Variants in CA13 observed in about 807,000 individuals in gnomAD.
CA13 encodes the protein carbonic anhydrase 13.
CA13 carries 21 observed loss-of-function variants against 31.5 expected under a neutral mutation model. That is an observed-to-expected ratio of 0.67 (90% confidence interval 0.47 to 0.96). The LOEUF (loss-of-function observed/expected upper bound fraction) is 0.96, where lower values mean the gene tolerates loss of function less well. CA13 is among the 40% of genes least tolerant of loss of function. The pLI is 0.00. For missense variants in CA13, 315 were observed against 318.9 expected (o/e 0.99, Z 0.09); for synonymous variants, 117 against 111.4 (o/e 1.05, Z -0.32).
At chr8:85,261,813 G>A (rs1016663654) in intron 3 of CA13, among the ~76,000 whole-genome samples, 6 of 151,966 alleles carry the variant, frequency 3.9e-5, no homozygotes, top group Non-Finnish European at 8.8e-5. Context: ...TAAAGATAAA[G>A]CTTTGTGGAT....
intron 2 of CA13, among the ~76,000 whole-genome samples, chr8:85,252,750 C>T (rs1315943030): frequency 6.6e-6 from 1 of 151,974 alleles, no homozygotes; most frequent in Non-Finnish European, 1.5e-5. Flanking sequence ...TGTATTTGCT[C>T]TATTAATGAA....
intron 2 of CA13, among the ~76,000 whole-genome samples, chr8:85,259,067 G>GTC (rs1224366106): frequency 6.6e-6 from 1 of 152,290 alleles, no homozygotes; most frequent in East Asian, 1.9e-4. Context: ...AACTGGACCT[G>GTC]TCTGCATGTC....
intron 6 of CA13, among the ~76,000 whole-genome samples, chr8:85,269,294 A>G (rs1029546385): frequency 6.6e-6 from 1 of 152,156 alleles, no homozygotes; most frequent in Admixed American, 6.5e-5. Context: ...TCTACAAAAA[A>G]TACAAAAAGT....
chr8:85,249,577 T>C (rs1387099982), intron 1 of CA13, among the ~76,000 whole-genome samples: 1 of 152,192 alleles, frequency 6.6e-6, no homozygotes, highest in Non-Finnish European at 1.5e-5. Flanking sequence ...TAAATATTAC[T>C]CTAAATTTTA....
Position 85,281,557 on chromosome 8 carries a change from G to C in CA13, c.*208G>C. ...TGATAGAGTCTCACTCTGTCACCCA[G>C]GCTGGAGGGCAGTGGTACAGTCTTG... On this transcript the variant is annotated 3_prime_UTR_variant, in exon 7 of 7. Coordinates refer to ENST00000321764, the MANE Select transcript of CA13 (RefSeq NM_198584.3). 8.3e-7 allele frequency: 1 copy of C among 1,198,912 alleles called. No homozygotes were observed. Among genetic ancestry groups the C allele is most frequent in the Non-Finnish European group, 1.1e-6 (1 of 942,792 alleles). The allele number at this position is 1,198,912 out of a possible 1,614,324, so 74.3% of individuals were successfully genotyped here.
In CA13 at chr8:85,259,476, C is replaced by G. The variant is rs749827472; in HGVS notation, c.291C>G (p.His97Gln). Residue 97 changes from histidine to glutamine, a missense_variant, in exon 3 of 7, where the codon CAC (histidine) becomes CAG (glutamine). Transcript: ENST00000321764. ...GSYRLRQVHLHWGSADDHGSE... is the reference protein window; with the variant it reads ...GSYRLRQVHLQWGSADDHGSE... ...ACAGGTTACGGCAGGTTCACCTTCA[C>G]TGGGGGTCCGCTGATGACCACGGCT... 10 of 1,613,978 alleles carry G rather than the reference C, an allele frequency of 6.2e-6. No homozygotes were observed. Among genetic ancestry groups the G allele is most frequent in the Non-Finnish European group, 8.5e-6 (10 of 1,180,000 alleles).
At chr8:85,277,196 C>T (rs1424141737) in intron 6 of CA13, among the ~76,000 whole-genome samples, 1 of 152,156 alleles carries the variant, frequency 6.6e-6, no homozygotes, top group Non-Finnish European at 1.5e-5. Context: ...TCCCTCTTTG[C>T]AATAAATCTT....
Position 85,268,480 on chromosome 8 carries a change from A to G in CA13, c.522A>G (p.Gln174=), listed in dbSNP as rs1398515195. ...TLDSIKEKGK[Q]TRFTNFDLLS... is the part of the protein sequence containing the mutation. ...TCTTTTTGATCCTCCAGGGTAAACA[A>G]ACTCGATTCACAAATTTTGACCTAT... Residue 174 remains glutamine, a synonymous_variant, in exon 6 of 7, where the codon CAA becomes CAG. Transcript: ENST00000321764. The G allele has an allele frequency of 1.2e-6, 2 of 1,613,966 alleles. No individual in the cohort carries two copies. Among genetic ancestry groups the G allele is most frequent in the African/African-American group, 1.3e-5 (1 of 74,918 alleles).
intron 6 of CA13, among the ~76,000 whole-genome samples, chr8:85,275,823 A>G (rs1021067306): frequency 1.3e-5 from 2 of 152,220 alleles, no homozygotes; most frequent in African/African-American, 2.4e-5. Flanking sequence ...ATTTTTCTAT[A>G]TAAGTATGGT....
intron 2 of CA13, among the ~76,000 whole-genome samples, chr8:85,252,961 T>G (rs1449941845): frequency 6.6e-6 from 1 of 151,942 alleles, no homozygotes; most frequent in Non-Finnish European, 1.5e-5. Flanking sequence ...CTTTTTTTTT[T>G]TGAGACAGAG....
chr8:85,250,850 A>G lies in CA13; in HGVS notation c.148A>G (p.Ile50Val), dbSNP rs1813813586. The part of the protein sequence containing the change: ...KYDSSLRPLS[I>V]KYDPSSAKII... ...TGACTCTTCCCTCCGACCACTTAGT[A>G]TCAAGTATGACCCAAGCTCAGCTAA... is the stretch of plus-strand genomic sequence containing the variant. The change falls in exon 2 of 7, where the codon ATC becomes GTC. Residue 50 changes from isoleucine to valine, a missense_variant. Physicochemically the swap from Ile to Val is conservative, Grantham distance 29. Transcript: ENST00000321764. 6.2e-7 allele frequency: 1 copy of G among 1,614,022 alleles called. No individual in the cohort carries two copies. The highest frequency in any genetic ancestry group is 1.7e-5 in the Admixed American group (1 of 59,998).
At chr8:85,276,026 C>T (rs1051467308) in intron 6 of CA13, among the ~76,000 whole-genome samples, 5 of 152,132 alleles carry the variant, frequency 3.3e-5, no homozygotes, top group Admixed American at 3.3e-4. Flanking sequence ...TGGCCAAGGC[C>T]GGAGCCGGCT....
At chr8:85,257,963 G>T (rs184384707) in intron 2 of CA13, among the ~76,000 whole-genome samples, 183 of 147,408 alleles carry the variant, frequency 1.2e-3, no homozygotes, top group African/African-American at 4.4e-3. Context: ...TCTGTATACA[G>T]ATATTAAATA....
In CA13 at chr8:85,245,666, AGGACGCAG is replaced by A. The variant is rs563509969; in HGVS notation, c.-161_-154del. 1.9e-4 allele frequency: 138 copies of A among 735,774 alleles called. 1 individual carries two copies. In the East Asian group the frequency reaches 2.7e-3, roughly 14 times the overall value. The allele number at this position is 735,774 out of a possible 1,614,324, so 45.6% of individuals were successfully genotyped here. On this transcript the variant is annotated 5_prime_UTR_variant, in exon 1 of 7. Transcript: ENST00000321764. ...TTCCCCGCACGCCTCTGCCGTCTGG[AGGACGCAG>A]GCGGGAGCGCCCCGGACCGGGTTCA...
Position 85,272,438 on chromosome 8 carries a change from T to C in CA13, c.669+3811T>C, listed in dbSNP as rs138474430. Among the ~76,000 whole-genome samples, 796 of 152,014 alleles carry C rather than the reference T, an allele frequency of 5.2e-3. 10 individuals carry two copies. Among genetic ancestry groups the C allele is most frequent in the African/African-American group, 0.018 (757 of 41,448 alleles). On this transcript the variant is annotated intron_variant, in intron 6 of 6. Coordinates refer to ENST00000321764, the MANE Select transcript of CA13 (RefSeq NM_198584.3). Reference sequence around the variant, plus strand: ...GCCTGGCCAATTTTTGTATTTTTAGTAGAGATGGGGTTTCACCATGTTGGC... The same window carrying C: ...GCCTGGCCAATTTTTGTATTTTTAGCAGAGATGGGGTTTCACCATGTTGGC...
chr8:85,269,777 T>C (rs1456374141), intron 6 of CA13, among the ~76,000 whole-genome samples: 1 of 152,162 alleles, frequency 6.6e-6, no homozygotes, highest in Admixed American at 6.5e-5. Flanking sequence ...CAACCATACC[T>C]CACTCCAACC....
intron 3 of CA13, among the ~76,000 whole-genome samples, chr8:85,259,839 A>C (rs1283958670): frequency 1.3e-5 from 2 of 152,226 alleles, no homozygotes; most frequent in Non-Finnish European, 2.9e-5. Context: ...GACAGGTTTA[A>C]ATCTAGATCT....
intron 3 of CA13, among the ~76,000 whole-genome samples, chr8:85,260,910 T>C (rs1807368198): frequency 6.6e-6 from 1 of 152,230 alleles, no homozygotes; most frequent in African/African-American, 2.4e-5. Context: ...AAATGCTGTG[T>C]GTGGTTACAC....
rs1807699554 is a variant in CA13 at position 85,281,211 on chromosome 8, C to G, written c.670-19C>G. 1.9e-6 allele frequency: 3 copies of G among 1,608,196 alleles called. No homozygotes were observed. The highest frequency in any genetic ancestry group is 2.6e-6 in the Non-Finnish European group (3 of 1,175,418). ...GTGGGAATTTCTATGCTGAAGCTAA[C>G]TCTTTTCTTCTTCTACAGCTGGCCA... On this transcript the variant is annotated intron_variant, in intron 6 of 6. Transcript: ENST00000321764.
Sources: gnomAD v4.1 joint callset for allele counts (sites outside exome capture counted in the v4.1 genomes callset) on GRCh38, gnomAD v4.1.1 for gene constraint, MANE v1.5 for transcripts, NCBI Gene and HGNC (gene_info 2026-07-23, HGNC 2026-07-21) for gene names.